RPH3A: variants seen among roughly 807,000 people sequenced by gnomAD.
RPH3A encodes rabphilin 3A.
RPH3A carries 48 observed loss-of-function variants against 102.2 expected under a neutral mutation model. The ratio of observed to expected loss-of-function variants is 0.47; its 90% CI spans 0.37 to 0.60. The LOEUF (loss-of-function observed/expected upper bound fraction) is 0.60, where lower values mean the gene tolerates loss of function less well. Among genes scored for constraint, RPH3A ranks in the 20% least tolerant of loss-of-function variants. The probability of loss-of-function intolerance (pLI) is 0.00; values close to 1 mark genes in which losing one functional copy is unlikely to be tolerated. For synonymous variants in RPH3A, 310 were observed against 324.3 expected, an observed-to-expected ratio of 0.96 and a Z score of 0.47; for missense variants, 781 against 910.1, an observed-to-expected ratio of 0.86 and a Z score of 1.83.
At chr12:112,662,056 A>ACCTCT (rs2040052498) in intron 1 of RPH3A, among the ~76,000 whole-genome samples, 1 of 152,202 alleles carries the variant, frequency 6.6e-6, no homozygotes, top group African/African-American at 2.4e-5. Context: ...GGGACAAGGG[A>ACCTCT]GGACAAAATG....
chr12:112,862,883 C>A (rs1252245480), intron 5 of RPH3A, among the ~76,000 whole-genome samples: 11 of 152,158 alleles, frequency 7.2e-5, no homozygotes, highest in Admixed American at 7.2e-4. Context: ...GCAGGGCTAC[C>A]AGGGGCCCTC....
rs1477232836 is a variant in RPH3A, at chr12:112,833,730, G to T, written c.72-2761G>T. Among the ~76,000 whole-genome samples the T allele has an allele frequency of 3.5e-5, 5 of 143,710 alleles. No individual in the cohort carries two copies. The East Asian group carries it at 1.1e-3, about 30-fold the overall frequency. The allele number at this position is 143,710 out of a possible 152,430, so 94.3% of individuals were successfully genotyped here. On this transcript the variant is annotated intron_variant, in intron 3 of 21. Coordinates refer to ENST00000389385, the MANE Select transcript of RPH3A (RefSeq NM_001143854.2). Reference sequence around the variant, plus strand: ...TTAAAGCACAGTTTGATAATTTCATGTTTTTTTTTTTTTTTTAAAGACAGT... The same window carrying T: ...TTAAAGCACAGTTTGATAATTTCATTTTTTTTTTTTTTTTTTAAAGACAGT...
chr12:112,821,586 C>A (rs1005330557), intron 2 of RPH3A, among the ~76,000 whole-genome samples: 1 of 152,168 alleles, frequency 6.6e-6, no homozygotes, highest in Non-Finnish European at 1.5e-5. Context: ...CAGTTTATTA[C>A]CCACTTTGGG....
intron 19 of RPH3A, chr12:112,891,296 TG>T (rs2043090762): frequency 2.7e-6 from 1 of 365,508 alleles, no homozygotes; most frequent in Non-Finnish European, 5.0e-6. Flanking sequence ...TAGCCCCATT[TG>T]TACTCCCAGG....
Position 112,600,670 on chromosome 12 carries a change from G to GTC in RPH3A, c.-140+25353_-140+25354dup, listed in dbSNP as rs201805908. ...TCTAGGAAGTTCCAAACTTTCCCAC[G>GTC]TCTTCCTTCTTTTTTTGAACCCTCT... On this transcript the variant is annotated intron_variant, in intron 1 of 21. Transcript: ENST00000543106. 6.4e-3 allele frequency among the ~76,000 whole-genome samples: 977 copies of GTC among 152,210 alleles called. 17 individuals are homozygous for GTC. The highest frequency in any genetic ancestry group is 0.022 in the African/African-American group (924 of 41,522).
chr12:112,727,730 A>T (rs1283315150), intron 1 of RPH3A, among the ~76,000 whole-genome samples: 2 of 152,144 alleles, frequency 1.3e-5, no homozygotes, highest in African/African-American at 4.8e-5. Context: ...GAAAGAAAAG[A>T]ATCTTGATTA....
intron 1 of RPH3A, among the ~76,000 whole-genome samples, chr12:112,676,371 C>G (rs1173216309): frequency 6.6e-6 from 1 of 152,230 alleles, no homozygotes; most frequent in East Asian, 1.9e-4. Context: ...GCCACCAACA[C>G]TTGGGTGCAA....
intron 1 of RPH3A, among the ~76,000 whole-genome samples, chr12:112,687,616 T>C (rs1001855426): frequency 1.3e-5 from 2 of 152,192 alleles, no homozygotes; most frequent in Non-Finnish European, 2.9e-5. Context: ...GGAATAAGCA[T>C]GTGTAATTAA....
chr12:112,808,884 C>T (rs1451133115), intron 2 of RPH3A, among the ~76,000 whole-genome samples: 4 of 152,018 alleles, frequency 2.6e-5, no homozygotes, highest in African/African-American at 7.3e-5. Flanking sequence ...GAAGGAAGGG[C>T]GGGATTGCAA....
chr12:112,654,929 C>T (rs903976166), intron 1 of RPH3A, among the ~76,000 whole-genome samples: 1 of 152,204 alleles, frequency 6.6e-6, no homozygotes, highest in African/African-American at 2.4e-5. Context: ...TGTTCTTCTC[C>T]TCTATCAGTG....
chr12:112,606,675 C>A (rs762412107), intron 1 of RPH3A, among the ~76,000 whole-genome samples: 2 of 152,074 alleles, frequency 1.3e-5, no homozygotes, highest in Non-Finnish European at 2.9e-5. Context: ...AGCGTAGATG[C>A]GGAGGGCTCA....
chr12:112,717,237 T>G (rs1034283368), intron 1 of RPH3A, among the ~76,000 whole-genome samples: 1 of 152,176 alleles, frequency 6.6e-6, no homozygotes, highest in East Asian at 1.9e-4. Flanking sequence ...TTTTGACGAA[T>G]GCATAGTGAC....
intron 1 of RPH3A, among the ~76,000 whole-genome samples, chr12:112,682,074 T>C (rs923109303): frequency 1.3e-5 from 2 of 152,244 alleles, no homozygotes; most frequent in African/African-American, 4.8e-5. Context: ...TTAGTTTCTT[T>C]TTCTTGTTCA....
intron 1 of RPH3A, among the ~76,000 whole-genome samples, chr12:112,678,970 A>G (rs780636156): frequency 8.6e-5 from 13 of 151,974 alleles, no homozygotes; most frequent in Non-Finnish European, 1.8e-4. Flanking sequence ...CTTGGGCTAC[A>G]AGCCACTCCA....
intron 2 of RPH3A, among the ~76,000 whole-genome samples, chr12:112,809,975 A>G (rs530780476): frequency 6.6e-6 from 1 of 152,226 alleles, no homozygotes; most frequent in Non-Finnish European, 1.5e-5. Flanking sequence ...ATATGATAAG[A>G]GCTTGGCATT....
At chr12:112,858,951 T>G (rs555116809) in intron 5 of RPH3A, among the ~76,000 whole-genome samples, 38 of 152,308 alleles carry the variant, frequency 2.5e-4, no homozygotes, top group Non-Finnish European at 4.1e-4. Context: ...GTGATGGATG[T>G]TCCCAGGATG....
intron 4 of RPH3A, among the ~76,000 whole-genome samples, chr12:112,843,875 G>C (rs776711748): frequency 6.6e-6 from 1 of 152,132 alleles, no homozygotes; most frequent in Non-Finnish European, 1.5e-5. Flanking sequence ...CATTATGACT[G>C]GGGCTCTTCG....
rs938123903 is a variant in RPH3A at position 112,759,443 on chromosome 12, T to A, written c.-139-32700T>A. Among the ~76,000 whole-genome samples, 3 of 152,138 alleles carry A rather than the reference T, an allele frequency of 2.0e-5. No homozygotes were observed. The East Asian group carries it at 5.8e-4, about 29-fold the overall frequency. ...ATAAGTCATTGGACTGATCCGCCAC[T>A]CAGAACAATCAGGTTGTCTTCTGCC... On this transcript the variant is annotated intron_variant, in intron 1 of 21. Transcript: ENST00000543106.
chr12:112,798,281 C>T (rs1259865398), intron 2 of RPH3A, among the ~76,000 whole-genome samples: 1 of 152,188 alleles, frequency 6.6e-6, no homozygotes, highest in Non-Finnish European at 1.5e-5. Context: ...CATCTGACAG[C>T]ATCATAATGA....
Sources: gnomAD v4.1 joint callset for allele counts (sites outside exome capture counted in the v4.1 genomes callset) on GRCh38, gnomAD v4.1.1 for gene constraint, MANE v1.5 for transcripts, NCBI Gene and HGNC (gene_info 2026-07-23, HGNC 2026-07-21) for gene names.